The following SGPP1 variants were observed in gnomAD, a reference collection of about 807,000 sequenced individuals.
SGPP1 encodes sphingosine-1-phosphate phosphatase 1.
SGPP1 carries 21 observed loss-of-function variants against 33.0 expected under a neutral mutation model. That is an observed-to-expected ratio of 0.64 (90% CI 0.45 to 0.92). SGPP1 has a LOEUF of 0.92. Ranked by LOEUF, SGPP1 falls within the 40% of genes least tolerant of loss-of-function variation. The pLI is 0.00. For missense variants in SGPP1, 543 were observed against 589.4 expected, an observed-to-expected ratio of 0.92 and a Z score of 0.81; for synonymous variants, 239 against 241.2, an observed-to-expected ratio of 0.99 and a Z score of 0.08.
Position 63,686,314 on chromosome 14 carries a change from T to C in SGPP1, c.1117A>G (p.Met373Val). 2 of 1,614,036 alleles carry C rather than the reference T, an allele frequency of 1.2e-6. No individual in the cohort carries two copies. The change falls in exon 3 of 3, where the codon ATG (methionine) becomes GTG (valine). Residue 373 changes from methionine (M) to valine (V), a missense_variant. Transcript: ENST00000247225. The part of the protein sequence containing the change: ...GKAILRILIG[M>V]VFVLIIRDVM... ...TCTCTGATTATTAGTACAAATACCATCCCTATGAGGATCCGCAATATGGCT... is the reference window on the plus strand; with the variant it reads ...TCTCTGATTATTAGTACAAATACCACCCCTATGAGGATCCGCAATATGGCT...
In SGPP1 at chr14:63,695,907, T is replaced by A. The variant is rs144404805; in HGVS notation, c.774+2662A>T. ...GCCTGGGTGACAGAGCAAGACCTTG[T>A]CTCTAAAAAGGCAAACAAACAAAAA... On this transcript the variant is annotated intron_variant, in intron 2 of 2. Coordinates refer to ENST00000247225, the MANE Select transcript of SGPP1 (RefSeq NM_030791.4). Among the ~76,000 whole-genome samples the A allele has an allele frequency of 7.5e-4, 114 of 152,048 alleles. 2 individuals carry two copies. In the East Asian group the frequency reaches 0.013, roughly 17 times the overall value.
chr14:63,700,572 G>A (rs1364065539), intron 1 of SGPP1, among the ~76,000 whole-genome samples: 1 of 152,048 alleles, frequency 6.6e-6, no homozygotes, highest in Admixed American at 6.6e-5. Flanking sequence ...CTTGCTGGAG[G>A]AGGCATTAAA....
rs779466728 is a variant in SGPP1, at chr14:63,727,610, G to C, written c.335C>G (p.Ser112Trp). Residue 112 changes from serine to tryptophan, a missense_variant, in exon 1 of 3, where the codon TCG (serine) becomes TGG (tryptophan). Physicochemically the swap from Ser to Trp is radical, Grantham distance 177. Coordinates refer to ENST00000247225, the MANE Select transcript of SGPP1 (RefSeq NM_030791.4). ...PRRAGALRRN[S>W]LTGEEGQLAR... is the part of the protein sequence containing the mutation. ...CAGCTGGCCCTCCTCGCCCGTCAGCGAGTTGCGGCGCAGAGCGCCCGCGCG... is the reference window on the plus strand; with the variant it reads ...CAGCTGGCCCTCCTCGCCCGTCAGCCAGTTGCGGCGCAGAGCGCCCGCGCG... The C allele has an allele frequency of 2.6e-6, 4 of 1,523,920 alleles. No homozygotes were observed. The East Asian group carries it at 7.7e-5, about 29-fold the overall frequency. 94.4% of individuals were successfully genotyped at this position (1,523,920 alleles called of 1,614,324 possible). A position where few individuals can be genotyped will look rare whatever the true frequency, so the allele number is the denominator to read the frequency against.
chr14:63,688,870 C>T (rs772891615), intron 2 of SGPP1, among the ~76,000 whole-genome samples: 24 of 152,068 alleles, frequency 1.6e-4, no homozygotes, highest in East Asian at 1.6e-3. Context: ...TACAGGCGCC[C>T]GCCACCATGC....
At chr14:63,690,217 G>T (rs1885063307) in intron 2 of SGPP1, among the ~76,000 whole-genome samples, 1 of 152,078 alleles carries the variant, frequency 6.6e-6, no homozygotes, top group East Asian at 1.9e-4. Context: ...GCTAAGTTTT[G>T]TATTTTTTGT....
At chr14:63,698,526 T>C in intron 2 of SGPP1, 43 bp downstream of exon 2, 1 of 1,100,318 alleles carries the variant, frequency 9.1e-7, no homozygotes, top group Non-Finnish European at 1.3e-6. Context: ...TTCCTGTCAA[T>C]GTCATAAAAA....
At chr14:63,704,842 T>C (rs1281246129) in intron 1 of SGPP1, among the ~76,000 whole-genome samples, 1 of 151,954 alleles carries the variant, frequency 6.6e-6, no homozygotes, top group Non-Finnish European at 1.5e-5. Flanking sequence ...AATTTACAAA[T>C]TGGCCGGGTG....
chr14:63,706,084 ATAG>A (rs1407666384), intron 1 of SGPP1, among the ~76,000 whole-genome samples: 1 of 152,278 alleles, frequency 6.6e-6, no homozygotes, highest in Non-Finnish European at 1.5e-5. Context: ...AAACAATGGA[ATAG>A]TAGTCAACAC....
At chr14:63,693,213 G>A (rs1212801856) in intron 2 of SGPP1, among the ~76,000 whole-genome samples, 2 of 152,214 alleles carry the variant, frequency 1.3e-5, no homozygotes, top group Non-Finnish European at 2.9e-5. Context: ...GATTACAGGC[G>A]TAAGCCACTG....
intron 2 of SGPP1, among the ~76,000 whole-genome samples, chr14:63,688,191 T>C (rs1191071834): frequency 6.7e-6 from 1 of 150,254 alleles, no homozygotes; most frequent in Admixed American, 6.6e-5. Flanking sequence ...TGGTACGCGT[T>C]TGTAATCCCA....
chr14:63,694,266 CCT>C (rs1885144914), intron 2 of SGPP1, among the ~76,000 whole-genome samples: 1 of 150,996 alleles, frequency 6.6e-6, no homozygotes, highest in African/African-American at 2.4e-5. Context: ...AGAAGGAGAC[CCT>C]GTCTCAGAAA....
rs556570178 is a variant in SGPP1, at chr14:63,695,149, C to T, written c.774+3420G>A. 4.4e-3 allele frequency among the ~76,000 whole-genome samples: 669 copies of T among 152,250 alleles called. 7 individuals carry two copies. Among genetic ancestry groups the T allele is most frequent in the African/African-American group, 0.015 (609 of 41,554 alleles). ...TCTGCTCACTGCAAGCTCCGCCTCC[C>T]GGGTTCACACCATTCTCCTGCCTCA... On this transcript the variant is annotated intron_variant, in intron 2 of 2. Coordinates refer to ENST00000247225, the MANE Select transcript of SGPP1 (RefSeq NM_030791.4).
At position 63,685,910 on chromosome 14, in the gene SGPP1, C is replaced by T. The variant is rs1428017450; in HGVS notation, c.*195G>A. 4.7e-5 allele frequency: 18 copies of T among 383,100 alleles called. No individual in the cohort carries two copies. The Admixed American group carries it at 6.8e-4, about 15-fold the overall frequency. 23.7% of individuals were successfully genotyped at this position (383,100 alleles called of 1,614,324 possible). A position where few individuals can be genotyped will look rare whatever the true frequency, so the allele number is the denominator to read the frequency against. On this transcript the variant is annotated 3_prime_UTR_variant, in exon 3 of 3. Transcript: ENST00000247225. ...TGGATACTTATCATTTTCTCAGTAA[C>T]GAAATAGCTCAGCTCACCTAAAACA...
intron 2 of SGPP1, among the ~76,000 whole-genome samples, chr14:63,686,898 C>A (rs910004665): frequency 6.6e-6 from 1 of 152,114 alleles, no homozygotes; most frequent in Admixed American, 6.6e-5. Context: ...ATAATATCCA[C>A]AAATTTACAT....
chr14:63,716,603 G>A (rs1885632014), intron 1 of SGPP1, among the ~76,000 whole-genome samples: 1 of 152,094 alleles, frequency 6.6e-6, no homozygotes, highest in Non-Finnish European at 1.5e-5. Context: ...TGAGGCAGGA[G>A]GTTCCCTTAA....
intron 1 of SGPP1, among the ~76,000 whole-genome samples, chr14:63,723,988 C>T (rs2139657039): frequency 6.6e-6 from 1 of 152,234 alleles, no homozygotes. Context: ...AGTGATGCTC[C>T]CACCTCAGCC....
intron 1 of SGPP1, among the ~76,000 whole-genome samples, chr14:63,723,709 A>G (rs920834930): frequency 6.7e-6 from 1 of 148,890 alleles, no homozygotes; most frequent in African/African-American, 2.6e-5. Context: ...ACAAAGAGAG[A>G]TTTCGTCTCA....
chr14:63,720,731 C>CTCCA (rs1315855231), intron 1 of SGPP1, among the ~76,000 whole-genome samples: 5 of 152,086 alleles, frequency 3.3e-5, no homozygotes, highest in African/African-American at 9.7e-5. Context: ...TTGCACTGCA[C>CTCCA]TCCAGCCTGG....
At chr14:63,692,455 C>CT (rs143607749) in intron 2 of SGPP1, among the ~76,000 whole-genome samples, 8,904 of 144,638 alleles carry the variant, frequency 0.062, 870 homozygotes, top group African/African-American at 0.21. Flanking sequence ...GTTCAACTTC[C>CT]TTTTTTTTTT....
Sources: allele counts gnomAD v4.1 joint callset (sites outside exome capture counted in the v4.1 genomes callset), GRCh38; gene constraint gnomAD v4.1.1; transcripts MANE v1.5; gene names NCBI Gene and HGNC (gene_info 2026-07-23, HGNC 2026-07-21).